KLHL1: variants seen among roughly 807,000 people sequenced by gnomAD.
KLHL1 encodes kelch like family member 1.
A neutral mutation model predicts 77.7 loss-of-function variants in KLHL1; 47 were observed. The ratio of observed to expected loss-of-function variants is 0.60; its 90% CI spans 0.48 to 0.77. The LOEUF (loss-of-function observed/expected upper bound fraction) is 0.77, where lower values mean the gene tolerates loss of function less well. KLHL1 is among the 30% of genes least tolerant of loss of function. KLHL1 has a pLI of 0.00. For missense variants in KLHL1, 925 were observed against 910.8 expected, an observed-to-expected ratio of 1.02 and a Z score of -0.20; for synonymous variants, 360 against 325.2, an observed-to-expected ratio of 1.11 and a Z score of -1.15.
chr13:69,739,915 A>C (rs936760022), intron 8 of KLHL1, among the ~76,000 whole-genome samples: 1 of 152,132 alleles, frequency 6.6e-6, no homozygotes, highest in African/African-American at 2.4e-5. Flanking sequence ...AGGGGCATCT[A>C]GTGGGTAGAA....
At chr13:69,944,978 C>CTTTTTTTTTT (rs750774784) in intron 3 of KLHL1, among the ~76,000 whole-genome samples, 1 of 79,860 alleles carries the variant, frequency 1.3e-5, no homozygotes, top group Non-Finnish European at 2.3e-5. Context: ...TATAAAACTT[C>CTTTTTTTTTT]TTTTTTTTTT....
chr13:69,939,918 A>T, intron 4 of KLHL1, 122 bp downstream of exon 4: 1 of 636,960 alleles, frequency 1.6e-6, no homozygotes, highest in Admixed American at 3.6e-5. Flanking sequence ...TAACAAAAAA[A>T]TGTGCCAAGC....
Position 69,808,758 on chromosome 13 carries a change from A to G in KLHL1, c.1415-11796T>C, listed in dbSNP as rs140580327. ...TAATGACAGATATAGAATTAAGAAT[A>G]TGGATAGCAAAAAAACTCAATAAGA... On this transcript the variant is annotated intron_variant, in intron 6 of 10. Coordinates refer to ENST00000377844, the MANE Select transcript of KLHL1 (RefSeq NM_020866.3). Among the ~76,000 whole-genome samples, 47 of 152,254 alleles carry G rather than the reference A, an allele frequency of 3.1e-4. No individual in the cohort carries two copies. The Middle Eastern group carries it at 0.01, about 33-fold the overall frequency.
At chr13:69,785,588 C>A (rs1876494431) in intron 7 of KLHL1, among the ~76,000 whole-genome samples, 1 of 127,632 alleles carries the variant, frequency 7.8e-6, no homozygotes. Flanking sequence ...CCTAAGATCA[C>A]AATTAAAAAC....
chr13:69,996,233 T>G (rs1466602970), intron 1 of KLHL1, among the ~76,000 whole-genome samples: 1 of 151,736 alleles, frequency 6.6e-6, no homozygotes, highest in African/African-American at 2.4e-5. Flanking sequence ...AACCAGGTTG[T>G]CAGAGGTTGC....
chr13:69,858,145 C>A (rs1314170786), intron 5 of KLHL1, among the ~76,000 whole-genome samples: 2 of 152,016 alleles, frequency 1.3e-5, no homozygotes, highest in Non-Finnish European at 2.9e-5. Flanking sequence ...CAGGGGACAC[C>A]CAGAGACATT....
At chr13:69,980,392 C>G (rs1361281704) in intron 1 of KLHL1, among the ~76,000 whole-genome samples, 1 of 152,096 alleles carries the variant, frequency 6.6e-6, no homozygotes, top group Admixed American at 6.6e-5. Context: ...TCTTCAATGG[C>G]TTCTTGGTGG....
At position 69,986,087 on chromosome 13, in the gene KLHL1, C is replaced by T. The variant is rs192091300; in HGVS notation, c.498-10285G>A. Among the ~76,000 whole-genome samples the T allele has an allele frequency of 1.0e-3, 157 of 151,398 alleles. 2 individuals carry two copies. Among genetic ancestry groups the T allele is most frequent in the Non-Finnish European group, 1.8e-3 (120 of 67,808 alleles). ...TAAAATAAACCAAGTACTGAAGGAC[C>T]AATATTACTATGTTCTCACTTATGT... On this transcript the variant is annotated intron_variant, in intron 1 of 10. Transcript: ENST00000377844.
At chr13:69,882,999 C>T (rs1881059544) in intron 4 of KLHL1, among the ~76,000 whole-genome samples, 1 of 152,122 alleles carries the variant, frequency 6.6e-6, no homozygotes, top group Admixed American at 6.5e-5. Context: ...TTCCATCCTG[C>T]TATTATCTCT....
chr13:69,776,484 A>G (rs1875833316), intron 7 of KLHL1, among the ~76,000 whole-genome samples: 1 of 152,192 alleles, frequency 6.6e-6, no homozygotes, highest in Admixed American at 6.5e-5. Flanking sequence ...TGAAGTAAAT[A>G]TTCTCTTAGG....
intron 1 of KLHL1, among the ~76,000 whole-genome samples, chr13:70,084,818 A>T (rs1887494089): frequency 2.6e-5 from 4 of 151,502 alleles, no homozygotes; most frequent in African/African-American, 7.3e-5. Context: ...CATGATTAAA[A>T]TTCTAAAGAA....
In KLHL1 at chr13:69,796,751, G is replaced by A. The variant is rs143143197; in HGVS notation, c.1626C>T (p.His542=). 1.7e-3 allele frequency: 2,770 copies of A among 1,608,456 alleles called. 6 individuals carry two copies. The highest frequency in any genetic ancestry group is 2.9e-3 in the South Asian group (262 of 91,004). Residue 542 remains histidine (H), a synonymous_variant, in exon 7 of 11, where the codon CAC becomes CAT. Transcript: ENST00000377844. ...GTAAGATCTTACCTAGACCATGTCT[G>A]TGTGTTGACATTGGTGGTAAGACAG... is the stretch of plus-strand genomic sequence containing the variant. ...TWTVLPPMST[H]RHGLGVTVLE...
chr13:69,774,232 A>T (rs181494575), intron 7 of KLHL1, among the ~76,000 whole-genome samples: 1 of 152,094 alleles, frequency 6.6e-6, no homozygotes, highest in Admixed American at 6.5e-5. Flanking sequence ...AAACTCACAG[A>T]TACAAATAGA....
intron 5 of KLHL1, among the ~76,000 whole-genome samples, chr13:69,870,514 A>C (rs933261726): frequency 2.0e-5 from 3 of 152,036 alleles, no homozygotes; most frequent in African/African-American, 7.2e-5. Context: ...TTTCACATAC[A>C]AAATATCATC....
intron 1 of KLHL1, among the ~76,000 whole-genome samples, chr13:69,988,777 C>T (rs1460857345): frequency 6.6e-6 from 1 of 151,974 alleles, no homozygotes; most frequent in Non-Finnish European, 1.5e-5. Context: ...CAAGTGTCTT[C>T]ATGTCTTTGC....
intron 7 of KLHL1, among the ~76,000 whole-genome samples, chr13:69,783,502 C>G (rs937613151): frequency 3.9e-5 from 6 of 151,954 alleles, no homozygotes; most frequent in African/African-American, 7.3e-5. Flanking sequence ...GAGCTGAAAG[C>G]CAAGGCTTGA....
At chr13:69,929,365 T>TA (rs541251663) in intron 4 of KLHL1, among the ~76,000 whole-genome samples, 2 of 151,878 alleles carry the variant, frequency 1.3e-5, no homozygotes, top group African/African-American at 2.4e-5. Flanking sequence ...GGGAAGATAA[T>TA]AAAAAAATTT....
At chr13:70,094,713 G>A (rs1335982821) in intron 1 of KLHL1, among the ~76,000 whole-genome samples, 3 of 152,026 alleles carry the variant, frequency 2.0e-5, no homozygotes, top group African/African-American at 7.2e-5. Context: ...CAATTTCAAT[G>A]TGGCTTCCTT....
chr13:69,708,543 T>C (rs1382198015), intron 9 of KLHL1, among the ~76,000 whole-genome samples: 1 of 152,004 alleles, frequency 6.6e-6, no homozygotes, highest in Non-Finnish European at 1.5e-5. Context: ...TTGCTCAGGA[T>C]TCACAGTGAG....
Sources: gnomAD v4.1 joint callset for allele counts (sites outside exome capture counted in the v4.1 genomes callset) on GRCh38, gnomAD v4.1.1 for gene constraint, MANE v1.5 for transcripts, NCBI Gene and HGNC (gene_info 2026-07-23, HGNC 2026-07-21) for gene names.